The following CCDC186 variants were observed in gnomAD, a reference collection of about 807,000 sequenced individuals.
The protein encoded by CCDC186 is coiled-coil domain containing 186.
Under a neutral mutation model 113.7 loss-of-function variants are expected in CCDC186, and 49 were observed. The ratio of observed to expected loss-of-function variants is 0.43; its 90% CI spans 0.34 to 0.55. The LOEUF (loss-of-function observed/expected upper bound fraction) is 0.55. CCDC186 is among the 20% of genes least tolerant of loss of function. The pLI, the probability that CCDC186 is intolerant of heterozygous loss-of-function variation, is 0.02. For synonymous variants in CCDC186, 355 were observed against 345.8 expected (o/e 1.03, Z -0.30); for missense variants, 890 against 1,011.1 (o/e 0.88, Z 1.62).
rs149500026 is a variant in CCDC186, at chr10:114,136,116, A to G, written c.1425+32T>C. ...TTTCTCTTTCTGTATTTATTATGCA[A>G]CTTAGGATATATAAAGAGCAAAACT... On this transcript the variant is annotated intron_variant, in intron 8 of 15. Coordinates refer to ENST00000369287, the MANE Select transcript of CCDC186 (RefSeq NM_018017.4). 63 of 1,570,256 alleles carry G rather than the reference A, an allele frequency of 4.0e-5. No homozygotes were observed. The East Asian group carries it at 1.4e-3, about 35-fold the overall frequency.
chr10:114,146,878 T>C (rs1213257226), intron 4 of CCDC186, among the ~76,000 whole-genome samples: 2 of 152,252 alleles, frequency 1.3e-5, no homozygotes, highest in Admixed American at 6.5e-5. Flanking sequence ...AAATGTTTCA[T>C]AAAATTCTGG....
chr10:114,161,896 T>A (rs2032178557), intron 2 of CCDC186: 1 of 151,856 alleles, frequency 6.6e-6, no homozygotes, highest in Non-Finnish European at 1.5e-5. Context: ...CATGGATAAA[T>A]GAGGACATTA....
Position 114,130,802 on chromosome 10 carries a change from CAT to C in CCDC186, c.2101+343_2101+344del, listed in dbSNP as rs749008087. On this transcript the variant is annotated intron_variant, in intron 12 of 15. Coordinates refer to ENST00000369287, the MANE Select transcript of CCDC186 (RefSeq NM_018017.4). ...TTCTAATATATATAAAAGACTAACA[CAT>C]GTTTAAAATGTATAAATAAACATAT... 2.9e-4 allele frequency: 49 copies of C among 170,412 alleles called. 1 individual carries two copies. Among genetic ancestry groups the C allele is most frequent in the East Asian group, 1.3e-3 (8 of 6,300 alleles). 10.6% of individuals were successfully genotyped at this position (170,412 alleles called of 1,614,324 possible).
intron 4 of CCDC186, among the ~76,000 whole-genome samples, chr10:114,149,559 AAAGGAAAGGGAAGGG>A (rs1392005469): frequency 0.023 from 2,031 of 86,758 alleles, 97 homozygotes; most frequent in African/African-American, 0.065. Context: ...GAAGGGAAGG[AAAGGAAAGGGAAGGG>A]AAGGGAAGGG....
chr10:114,144,545 T>C lies in CCDC186; in HGVS notation c.1173A>G (p.Lys391=). ...TTAATTTGTTTTGTGCCCACTTTAC[T>C]TTGATGACGTGAGAGTTAATGTCTT... ...LKEDINSHVI[K]VKWAQNKLKA... is the part of the protein sequence containing the mutation. The change falls in exon 6 of 16, where the codon AAA becomes AAG. Residue 391 remains lysine (K), a synonymous_variant. Transcript: ENST00000369287. 3.7e-6 allele frequency: 6 copies of C among 1,613,458 alleles called. No homozygotes were observed. The highest frequency in any genetic ancestry group is 5.1e-6 in the Non-Finnish European group (6 of 1,179,560).
chr10:114,165,849 C>CCAA, intron 1 of CCDC186: 1 of 685,848 alleles, frequency 1.5e-6, no homozygotes, highest in Non-Finnish European at 1.7e-6. Context: ...CACTTTGTCT[C>CCAA]AAAAAAAAAA....
intron 2 of CCDC186, chr10:114,161,543 G>A (rs2032167647): frequency 6.6e-6 from 1 of 152,078 alleles, no homozygotes; most frequent in Non-Finnish European, 1.5e-5. Context: ...AAAAGAATAG[G>A]TACAGGCTAC....
rs528107044 is a variant in CCDC186 at position 114,165,586 on chromosome 10, G to A, written c.-61-2257C>T. On this transcript the variant is annotated intron_variant, in intron 1 of 15. Coordinates refer to ENST00000369287, the MANE Select transcript of CCDC186 (RefSeq NM_018017.4). ...GCCGCCTGAAATCCCAGCTACTCGGGGAGCTGAGGCAGAGAACTGCTTGAA... is the reference window on the plus strand; with the variant it reads ...GCCGCCTGAAATCCCAGCTACTCGGAGAGCTGAGGCAGAGAACTGCTTGAA... 9.8e-5 allele frequency among the ~76,000 whole-genome samples: 15 copies of A among 152,308 alleles called. No individual in the cohort carries two copies. The East Asian group carries it at 2.7e-3, about 27-fold the overall frequency.
chr10:114,138,137 G>A (rs1344862853), intron 6 of CCDC186, among the ~76,000 whole-genome samples: 5 of 144,646 alleles, frequency 3.5e-5, no homozygotes, highest in African/African-American at 5.1e-5. Flanking sequence ...CTACTCGGGA[G>A]GCTGAGGCAG....
At chr10:114,168,109 G>C (rs973914780) in intron 1 of CCDC186, 9 of 152,172 alleles carry the variant, frequency 5.9e-5, no homozygotes, top group Admixed American at 4.6e-4. Context: ...ATACAGTACA[G>C]TCACAAAATT....
chr10:114,169,358 C>T (rs560824329), intron 1 of CCDC186, among the ~76,000 whole-genome samples: 2 of 151,604 alleles, frequency 1.3e-5, no homozygotes, highest in South Asian at 4.2e-4. Flanking sequence ...GATTCTCCCG[C>T]TCAGCCTCCC....
At position 114,124,845 on chromosome 10, in the gene CCDC186, T is replaced by A. The variant is rs2030838503; in HGVS notation, c.*298A>T. The A allele has an allele frequency of 7.6e-6, 2 of 261,608 alleles. No homozygotes were observed. The allele number at this position is 261,608 out of a possible 1,614,324, so 16.2% of individuals were successfully genotyped here. A position where few individuals can be genotyped will look rare whatever the true frequency, so the allele number is the denominator to read the frequency against. On this transcript the variant is annotated 3_prime_UTR_variant, in exon 16 of 16. Coordinates refer to ENST00000369287, the MANE Select transcript of CCDC186 (RefSeq NM_018017.4). ...GAAGAAATATGAACAAAGGGTTTTT[T>A]ATAAAAGCCCTTGTAATGTTCAACA...
intron 6 of CCDC186, among the ~76,000 whole-genome samples, chr10:114,143,796 A>G (rs907394091): frequency 4.1e-4 from 63 of 152,202 alleles, no homozygotes; most frequent in African/African-American, 1.5e-3. Context: ...CTGGAAACTG[A>G]TATTTTCATA....
rs2032022095 is a variant in CCDC186 at position 114,156,736 on chromosome 10, A to C, written c.759+818T>G. Among the ~76,000 whole-genome samples, 2 of 152,164 alleles carry C rather than the reference A, an allele frequency of 1.3e-5. 1 individual carries two copies. The highest frequency in any genetic ancestry group is 1.3e-4 in the Admixed American group (2 of 15,282). On this transcript the variant is annotated intron_variant, in intron 3 of 15. Transcript: ENST00000369287. ...GAGCAAAACTCTGTCTCAAAGAAAA[A>C]ACAAAAAATAAATTAAAAAAAAGAA...
chr10:114,127,689 T>G lies in CCDC186; in HGVS notation c.2183-18A>C. ...CAGGGACCCTGAAGACAAAAAAAAT[T>G]GGTTTAGATACTGTGCTTAATCTAA... On this transcript the variant is annotated intron_variant, in intron 13 of 15. Coordinates refer to ENST00000369287, the MANE Select transcript of CCDC186 (RefSeq NM_018017.4). 1 of 1,608,344 alleles carries G rather than the reference T, an allele frequency of 6.2e-7. No individual in the cohort carries two copies. The highest frequency in any genetic ancestry group is 8.5e-7 in the Non-Finnish European group (1 of 1,176,732).
intron 3 of CCDC186, among the ~76,000 whole-genome samples, chr10:114,156,205 C>G (rs2032005871): frequency 6.6e-6 from 1 of 152,210 alleles, no homozygotes; most frequent in African/African-American, 2.4e-5. Flanking sequence ...CAAATACAGT[C>G]ACCTTCCAAT....
chr10:114,149,656 G>T lies in CCDC186; in HGVS notation c.888+1436C>A. Among the ~76,000 whole-genome samples, 2 of 119,114 alleles carry T rather than the reference G, an allele frequency of 1.7e-5. 1 individual carries two copies. Among genetic ancestry groups the T allele is most frequent in the Non-Finnish European group, 3.5e-5 (2 of 56,734 alleles). The allele number at this position is 119,114 out of a possible 152,430, so 78.1% of individuals were successfully genotyped here. On this transcript the variant is annotated intron_variant, in intron 4 of 15. Transcript: ENST00000369287. ...GGGGAGGGGAGGGAATGCGAAGGAA[G>T]GAAGGAAGGAAAGGAGGGAAGGAGG...
Position 114,124,902 on chromosome 10 carries a change from T to C in CCDC186, c.*241A>G. On this transcript the variant is annotated 3_prime_UTR_variant, in exon 16 of 16. Coordinates refer to ENST00000369287, the MANE Select transcript of CCDC186 (RefSeq NM_018017.4). ...ATGAATACAAGCAAATTAAGTTGTT[T>C]AGATTCAATGACAGGCTGTCATATT... 2 of 368,890 alleles carry C rather than the reference T, an allele frequency of 5.4e-6. No individual in the cohort carries two copies. The highest frequency in any genetic ancestry group is 9.7e-6 in the Non-Finnish European group (2 of 207,222). The allele number at this position is 368,890 out of a possible 1,614,324, so 22.9% of individuals were successfully genotyped here.
At chr10:114,139,839 T>C (rs1002432643) in intron 6 of CCDC186, among the ~76,000 whole-genome samples, 3 of 152,232 alleles carry the variant, frequency 2.0e-5, no homozygotes, top group Non-Finnish European at 4.4e-5. Flanking sequence ...TCTACTACTA[T>C]ATCATTAATA....
Sources: allele counts gnomAD v4.1 joint callset (sites outside exome capture counted in the v4.1 genomes callset), GRCh38; gene constraint gnomAD v4.1.1; transcripts MANE v1.5; gene names NCBI Gene and HGNC (gene_info 2026-07-23, HGNC 2026-07-21).